The following CCDC171 variants were observed in gnomAD, a reference collection of about 807,000 sequenced individuals.
CCDC171 encodes coiled-coil domain-containing protein 171.
CCDC171 carries 177 observed loss-of-function variants against 168.2 expected under a neutral mutation model. The ratio of observed to expected loss-of-function variants is 1.05; its 90% CI spans 0.93 to 1.19. The LOEUF is 1.19. Ranked by LOEUF, CCDC171 falls within the 50% of genes most tolerant of loss-of-function variation. The pLI, the probability that CCDC171 is intolerant of heterozygous loss-of-function variation, is 0.00. For synonymous variants in CCDC171, 687 were observed against 540.8 expected (o/e 1.27, Z -3.75); for missense variants, 1,991 against 1,539.0 (o/e 1.29, Z -4.91).
At chr9:15,802,027 C>T (rs1358187527) in intron 21 of CCDC171, among the ~76,000 whole-genome samples, 7 of 151,714 alleles carry the variant, frequency 4.6e-5, no homozygotes, top group Admixed American at 4.6e-4. Context: ...TGCTAATATT[C>T]TGTTGGGGAT....
At chr9:15,981,542 G>A (rs1246410644) in intron 3 of CCDC171, among the ~76,000 whole-genome samples, 1 of 152,288 alleles carries the variant, frequency 6.6e-6, no homozygotes, top group Middle Eastern at 3.4e-3. Context: ...GCTGATTTAT[G>A]TATGATGAGG....
At chr9:15,640,533 G>A (rs1469196976) in intron 7 of CCDC171, among the ~76,000 whole-genome samples, 1 of 152,020 alleles carries the variant, frequency 6.6e-6, no homozygotes, top group Non-Finnish European at 1.5e-5. Context: ...GAAAACTGTA[G>A]CATATTAATA....
intron 3 of CCDC171, among the ~76,000 whole-genome samples, chr9:16,005,016 GAAGT>G (rs1331940813): frequency 1.3e-5 from 2 of 152,064 alleles, no homozygotes; most frequent in Non-Finnish European, 2.9e-5. Flanking sequence ...CAGCTTTATT[GAAGT>G]ATTAATCATG....
At chr9:15,996,194 T>A (rs1404072282) in intron 3 of CCDC171, among the ~76,000 whole-genome samples, 1 of 152,144 alleles carries the variant, frequency 6.6e-6, no homozygotes, top group Non-Finnish European at 1.5e-5. Context: ...CAGGCCTTTT[T>A]GACATTTTGA....
chr9:15,746,201 A>G (rs78349843), intron 18 of CCDC171, among the ~76,000 whole-genome samples: 2,676 of 152,316 alleles, frequency 0.018, 96 homozygotes, highest in African/African-American at 0.061. Flanking sequence ...GACAGGTTCA[A>G]TGAAAACTAA....
At chr9:15,772,983 T>C (rs1223446364) in intron 18 of CCDC171, among the ~76,000 whole-genome samples, 1 of 151,994 alleles carries the variant, frequency 6.6e-6, no homozygotes, top group Non-Finnish European at 1.5e-5. Context: ...TTAATATTAT[T>C]AACCTTATTA....
At chr9:15,870,301 T>C (rs1468490673) in intron 23 of CCDC171, among the ~76,000 whole-genome samples, 2 of 150,616 alleles carry the variant, frequency 1.3e-5, no homozygotes, top group African/African-American at 4.9e-5. Context: ...AGGGAGGGAG[T>C]AGGACAAAGG....
intron 6 of CCDC171, among the ~76,000 whole-genome samples, chr9:16,024,702 A>G (rs938077859): frequency 6.6e-6 from 1 of 152,240 alleles, no homozygotes; most frequent in African/African-American, 2.4e-5. Context: ...AGGTGGCATC[A>G]TTTCAGGAAT....
At chr9:15,774,184 TG>T (rs1273261809) in intron 18 of CCDC171, among the ~76,000 whole-genome samples, 3 of 138,626 alleles carry the variant, frequency 2.2e-5, no homozygotes, top group South Asian at 4.4e-4. Flanking sequence ...TGGCATAGGT[TG>T]CAGTGACCCG....
chr9:15,810,550 G>C (rs2059301843), intron 21 of CCDC171, among the ~76,000 whole-genome samples: 1 of 152,196 alleles, frequency 6.6e-6, no homozygotes, highest in Non-Finnish European at 1.5e-5. Context: ...CCTGTCCTGT[G>C]AGGAGGCGGC....
chr9:15,787,142 G>T (rs1462896568), intron 21 of CCDC171, among the ~76,000 whole-genome samples: 1 of 151,878 alleles, frequency 6.6e-6, no homozygotes, highest in Non-Finnish European at 1.5e-5. Flanking sequence ...ATACATTTAG[G>T]GTGTATTTTG....
chr9:15,900,708 C>T (rs954780649), intron 24 of CCDC171, among the ~76,000 whole-genome samples: 1 of 152,172 alleles, frequency 6.6e-6, no homozygotes, highest in Non-Finnish European at 1.5e-5. Context: ...TTGGAGCTTA[C>T]ATCTGGGTGT....
At chr9:15,852,300 T>C (rs189814596) in intron 23 of CCDC171, among the ~76,000 whole-genome samples, 1 of 151,860 alleles carries the variant, frequency 6.6e-6, no homozygotes, top group Non-Finnish European at 1.5e-5. Context: ...TATCTCACTA[T>C]GGTTTTGATT....
intron 24 of CCDC171, among the ~76,000 whole-genome samples, chr9:15,894,660 A>G (rs146905621): frequency 2.0e-5 from 3 of 152,112 alleles, no homozygotes; most frequent in Non-Finnish European, 4.4e-5. Context: ...CAGTGCACAT[A>G]GGCCCATTTT....
intron 25 of CCDC171, among the ~76,000 whole-genome samples, chr9:15,970,447 A>G (rs1831237593): frequency 6.6e-6 from 1 of 152,030 alleles, no homozygotes; most frequent in African/African-American, 2.4e-5. Flanking sequence ...TAGTGGAGAT[A>G]CTTATAACCA....
chr9:15,910,288 A>G (rs1823428712), intron 24 of CCDC171, among the ~76,000 whole-genome samples: 1 of 152,182 alleles, frequency 6.6e-6, no homozygotes, highest in Non-Finnish European at 1.5e-5. Flanking sequence ...CAACAGACAT[A>G]TGAATGCATC....
the CCDC171 span, among the ~76,000 whole-genome samples, chr9:16,075,899 A>T: frequency 6.6e-6 from 1 of 152,212 alleles, no homozygotes. Context: ...ATAGCATAGC[A>T]TAGGTTGAAG....
intron 6 of CCDC171, among the ~76,000 whole-genome samples, chr9:15,599,134 T>A (rs1024337592): frequency 1.1e-4 from 16 of 152,292 alleles, no homozygotes; most frequent in South Asian, 6.2e-4. Flanking sequence ...AATTGGAGCA[T>A]TTAGCCCATT....
upstream of CCDC171, among the ~76,000 whole-genome samples, chr9:16,039,637 G>C (rs1438557159): frequency 2.6e-5 from 4 of 152,156 alleles, no homozygotes; most frequent in Non-Finnish European, 5.9e-5. Context: ...TAGCCCCTAA[G>C]GTTGTCCTCT....
Sources: gnomAD v4.1 joint callset for allele counts (sites outside exome capture counted in the v4.1 genomes callset) on GRCh38, gnomAD v4.1.1 for gene constraint, MANE v1.5 for transcripts, NCBI Gene and HGNC (gene_info 2026-07-23, HGNC 2026-07-21) for gene names.